TUSC3: variants seen among roughly 807,000 people sequenced by gnomAD.
TUSC3 encodes tumor suppressor candidate 3.
A neutral mutation model predicts 44.8 loss-of-function variants in TUSC3; 45 were observed. The observed-to-expected ratio is 1.00, with a 90% confidence interval of 0.79 to 1.29. TUSC3 has a LOEUF of 1.29. TUSC3 is among the 50% of genes most tolerant of loss of function. The pLI is 0.00. For synonymous variants in TUSC3, 212 were observed against 152.9 expected, an observed-to-expected ratio of 1.39 and a Z score of -2.85; for missense variants, 519 against 437.9, an observed-to-expected ratio of 1.19 and a Z score of -1.65.
chr8:15,698,123 T>C (rs1809247834), intron 6 of TUSC3, among the ~76,000 whole-genome samples: 1 of 152,214 alleles, frequency 6.6e-6, no homozygotes, highest in Non-Finnish European at 1.5e-5. Context: ...TCTTAAAAAA[T>C]ACTATTGAAG....
chr8:15,499,075 C>G (rs567153258), intron 2 of TUSC3, among the ~76,000 whole-genome samples: 1 of 151,852 alleles, frequency 6.6e-6, no homozygotes. Flanking sequence ...TGCCCCAACT[C>G]TTGCCATCAG....
chr8:15,460,939 T>C (rs548752387), intron 1 of TUSC3, among the ~76,000 whole-genome samples: 7 of 152,338 alleles, frequency 4.6e-5, no homozygotes, highest in Non-Finnish European at 8.8e-5. Flanking sequence ...GGCCTTATAG[T>C]ATAGTTTGAA....
In TUSC3 at chr8:15,447,968, A is replaced by G. The variant is rs1800129032; in HGVS notation, n.91+30663A>G. The stretch of plus-strand genomic sequence containing the variant: ...ATGTACATTACAGTTAATTTAAATG[A>G]AAAGTTCAGTTCTACAGTCACACTA... On this transcript the variant is annotated intron_variant and non_coding_transcript_variant, in intron 1 of 5. Coordinates refer to the TUSC3 transcript ENST00000503191. Among the ~76,000 whole-genome samples, 2 of 151,438 alleles carry G rather than the reference A, an allele frequency of 1.3e-5. 1 individual carries two copies. The highest frequency in any genetic ancestry group is 4.2e-4 in the South Asian group (2 of 4,812).
At chr8:15,709,040 ATAGT>A (rs1809730069) in intron 6 of TUSC3, among the ~76,000 whole-genome samples, 1 of 151,898 alleles carries the variant, frequency 6.6e-6, no homozygotes, top group South Asian at 2.1e-4. Flanking sequence ...ACTCCAACTA[ATAGT>A]TGATCATTAA....
the TUSC3 span, among the ~76,000 whole-genome samples, chr8:15,842,111 T>C: frequency 2.0e-4 from 30 of 152,290 alleles, no homozygotes; most frequent in South Asian, 6.0e-3. Flanking sequence ...CAACACATGT[T>C]TTTTGAGCAC....
intron 4 of TUSC3, among the ~76,000 whole-genome samples, chr8:15,660,875 C>A (rs1165711951): frequency 1.4e-5 from 2 of 143,904 alleles, no homozygotes; most frequent in Admixed American, 7.1e-5. Flanking sequence ...CCCTAGCAGA[C>A]TTTACGCATT....
chr8:15,712,508 C>T (rs540799667), intron 6 of TUSC3, among the ~76,000 whole-genome samples: 2 of 152,068 alleles, frequency 1.3e-5, no homozygotes, highest in African/African-American at 2.4e-5. Flanking sequence ...ATTCCTTAAC[C>T]GTTTTATTAG....
chr8:15,770,249 A>G (rs1457909671), downstream of TUSC3, among the ~76,000 whole-genome samples: 3 of 152,232 alleles, frequency 2.0e-5, no homozygotes, highest in Admixed American at 6.5e-5. Flanking sequence ...GGGTGAGTTC[A>G]TATCCTTTGC....
chr8:15,753,759 G>C (rs1249623983), intron 9 of TUSC3, among the ~76,000 whole-genome samples: 1 of 151,996 alleles, frequency 6.6e-6, no homozygotes, highest in Non-Finnish European at 1.5e-5. Context: ...AAAGACTGCA[G>C]AGATATATAG....
At chr8:15,691,625 C>A (rs550108727) in intron 6 of TUSC3, among the ~76,000 whole-genome samples, 27 of 152,276 alleles carry the variant, frequency 1.8e-4, no homozygotes, top group African/African-American at 6.5e-4. Flanking sequence ...TGCCCATTCA[C>A]TATGATGTTG....
Position 15,614,279 on chromosome 8 carries a change from G to A in TUSC3, c.139-8801G>A, listed in dbSNP as rs1804891769. On this transcript the variant is annotated intron_variant, in intron 1 of 10. Transcript: ENST00000503731. Reference sequence around the variant, plus strand: ...TTAGTATTGGATGAGGCTCACTTATGCCCACTAGCCTTTATGTAGGTATGT... The same window carrying A: ...TTAGTATTGGATGAGGCTCACTTATACCCACTAGCCTTTATGTAGGTATGT... 1.3e-5 allele frequency among the ~76,000 whole-genome samples: 2 copies of A among 151,884 alleles called. 1 individual carries two copies. The highest frequency in any genetic ancestry group is 4.2e-4 in the South Asian group (2 of 4,806).
intron 1 of TUSC3, among the ~76,000 whole-genome samples, chr8:15,609,176 T>A (rs1585149232): frequency 1.3e-5 from 2 of 152,306 alleles, no homozygotes. Context: ...AATTTATGAG[T>A]ATAGTTACGG....
chr8:15,663,329 A>T (rs1019825811), intron 5 of TUSC3, among the ~76,000 whole-genome samples: 1 of 151,884 alleles, frequency 6.6e-6, no homozygotes, highest in Non-Finnish European at 1.5e-5. Context: ...TATTAAAGAT[A>T]TAACTACATA....
At chr8:15,462,438 T>C (rs1432579317) in intron 1 of TUSC3, among the ~76,000 whole-genome samples, 1 of 152,054 alleles carries the variant, frequency 6.6e-6, no homozygotes, top group East Asian at 1.9e-4. Flanking sequence ...ACTCATAGAC[T>C]AAAGGAATTG....
At chr8:15,656,211 C>G (rs539196600) in intron 3 of TUSC3, among the ~76,000 whole-genome samples, 2 of 152,182 alleles carry the variant, frequency 1.3e-5, no homozygotes, top group South Asian at 4.2e-4. Context: ...TTCATTTTGT[C>G]CCAATACTGC....
At chr8:15,524,219 A>G (rs1563273891) in intron 2 of TUSC3, among the ~76,000 whole-genome samples, 1 of 152,140 alleles carries the variant, frequency 6.6e-6, no homozygotes, top group South Asian at 2.1e-4. Context: ...AAATACAAAT[A>G]TTAAATAGGA....
chr8:15,446,593 G>A lies in TUSC3; in HGVS notation n.91+29288G>A, dbSNP rs374062262. ...AATACAAAAACGAGTCAGGCGTGGC[G>A]GCGGGCGCCTGCAATCCCAGGCGCT... On this transcript the variant is annotated intron_variant and non_coding_transcript_variant, in intron 1 of 5. Transcript: ENST00000503191. 8.7e-4 allele frequency among the ~76,000 whole-genome samples: 132 copies of A among 151,912 alleles called. No individual in the cohort carries two copies. The East Asian group carries it at 0.018, about 21-fold the overall frequency.
the TUSC3 span, among the ~76,000 whole-genome samples, chr8:15,844,870 A>G: frequency 8.5e-5 from 13 of 152,152 alleles, no homozygotes; most frequent in Non-Finnish European, 1.6e-4. Context: ...TGGCAGCATG[A>G]ATATGTGATA....
chr8:15,623,141 G>A lies in TUSC3; in HGVS notation c.200G>A (p.Arg67Gln), dbSNP rs576144260. The A allele has an allele frequency of 2.6e-5, 42 of 1,613,790 alleles. No individual in the cohort carries two copies. Among genetic ancestry groups the A allele is most frequent in the Middle Eastern group, 3.3e-4 (2 of 6,058 alleles). ...MEWSSRRSIF[R>Q]MNGDKFRKFI... ...TGGAGTTCCAGACGCTCAATCTTCC[G>A]AATGAATGGTGATAAATTCCGAAAA... The change falls in exon 2 of 11, where the codon CGA becomes CAA. Residue 67 changes from arginine (R) to glutamine (Q), a missense_variant. Physicochemically the swap from Arg to Gln is conservative, Grantham distance 43. Transcript: ENST00000503731.
Sources: gnomAD v4.1 joint callset for allele counts (sites outside exome capture counted in the v4.1 genomes callset) on GRCh38, gnomAD v4.1.1 for gene constraint, MANE v1.5 for transcripts, NCBI Gene and HGNC (gene_info 2026-07-23, HGNC 2026-07-21) for gene names.